The following NSUN2 variants were observed in gnomAD, a reference collection of about 807,000 sequenced individuals.
NSUN2 encodes RNA cytosine C(5)-methyltransferase NSUN2.
In NSUN2, 63 loss-of-function variants were observed where a neutral mutation model predicts 92.7. The ratio of observed to expected loss-of-function variants is 0.68; its 90% confidence interval spans 0.56 to 0.84. The LOEUF (loss-of-function observed/expected upper bound fraction) is 0.84, where lower values mean the gene tolerates loss of function less well. NSUN2 is among the 40% of genes least tolerant of loss of function. The probability of loss-of-function intolerance (pLI) is 0.00; values close to 1 mark genes in which losing one functional copy is unlikely to be tolerated. For synonymous variants in NSUN2, 356 were observed against 348.3 expected, an observed-to-expected ratio of 1.02 and a Z score of -0.25; for missense variants, 989 against 964.9, an observed-to-expected ratio of 1.02 and a Z score of -0.33.
rs923986895 is a variant in NSUN2 at position 6,599,413 on chromosome 5, C to T, written c.*513G>A. The T allele has an allele frequency of 2.0e-5, 3 of 152,872 alleles. No individual in the cohort carries two copies. The highest frequency in any genetic ancestry group is 6.5e-5 in the Admixed American group (1 of 15,310). 9.5% of individuals were successfully genotyped at this position (152,872 alleles called of 1,614,324 possible). On this transcript the variant is annotated 3_prime_UTR_variant, in exon 19 of 19. Transcript: ENST00000264670. The stretch of plus-strand genomic sequence containing the variant: ...TTATTTTACCCTTTATTCCAAAAGG[C>T]ACAAAGTCATCTGAGGCCTCAGATA...
Position 6,600,073 on chromosome 5 carries a change from A to G in NSUN2, c.2157T>C (p.Asn719=). The G allele has an allele frequency of 6.2e-7, 1 of 1,614,150 alleles. No individual in the cohort carries two copies. Among genetic ancestry groups the G allele is most frequent in the Non-Finnish European group, 8.5e-7 (1 of 1,180,028 alleles). The change falls in exon 19 of 19, where the codon AAT becomes AAC. Residue 719 remains asparagine (N), a synonymous_variant. Coordinates refer to ENST00000264670, the MANE Select transcript of NSUN2 (RefSeq NM_017755.6). ...GCTGTCCGGTGCTGGCTGCACTCTC[A>G]TTTGTGAGGATAACCCCTTCCTTCT... is the stretch of plus-strand genomic sequence containing the variant. The part of the protein sequence containing the change: ...EKKKEGVILT[N]ESAASTGQPD...
chr5:6,633,016 G>T lies in NSUN2; in HGVS notation c.-37C>A, dbSNP rs1236345112. 14 of 1,411,836 alleles carry T rather than the reference G, an allele frequency of 9.9e-6. No individual in the cohort carries two copies. The highest frequency in any genetic ancestry group is 3.0e-5 in the African/African-American group (2 of 66,126). 87.5% of individuals were successfully genotyped at this position (1,411,836 alleles called of 1,614,324 possible). A position where few individuals can be genotyped will look rare whatever the true frequency, so the allele number is the denominator to read the frequency against. The stretch of plus-strand genomic sequence containing the variant: ...CCGCGCACGCAGCACGCAGAAACCG[G>T]CCCGCCACGGCCAGAACTCTAGCCC... On this transcript the variant is annotated 5_prime_UTR_variant, in exon 1 of 19. Transcript: ENST00000264670.
intron 8 of NSUN2, among the ~76,000 whole-genome samples, chr5:6,617,741 T>A (rs1218639538): frequency 6.6e-6 from 1 of 152,266 alleles, no homozygotes; most frequent in Non-Finnish European, 1.5e-5. Flanking sequence ...GCATTTTTAA[T>A]AAACGTGTTA....
At chr5:6,604,385 A>T in intron 16 of NSUN2, 109 bp from the exon 17 acceptor site, 1 of 1,089,674 alleles carries the variant, frequency 9.2e-7, no homozygotes, top group South Asian at 1.5e-5. Context: ...TCGAGCCCTC[A>T]CTATGGCCCC....
chr5:6,626,656 T>C (rs1414680251), intron 3 of NSUN2, among the ~76,000 whole-genome samples: 1 of 152,230 alleles, frequency 6.6e-6, no homozygotes, highest in Non-Finnish European at 1.5e-5. Flanking sequence ...ACCCAGGATG[T>C]GCTTTGAAAC....
At chr5:6,622,196 G>A (rs781255728) in intron 5 of NSUN2, 96 bp from the exon 6 acceptor site, 19 of 922,062 alleles carry the variant, frequency 2.1e-5, no homozygotes, top group African/African-American at 5.0e-5. Flanking sequence ...TCTAGTCCAA[G>A]ATCTAAATAT....
rs1441375736 is a variant in NSUN2 at position 6,616,754 on chromosome 5, T to C, written c.994A>G (p.Ile332Val). The change falls in exon 9 of 19, where the codon ATA becomes GTA. Residue 332 changes from isoleucine to valine, a missense_variant. This residue lies in a region of NSUN2 where 626 missense variants were observed against 602.3 expected (regional missense o/e 1.04). Coordinates refer to ENST00000264670, the MANE Select transcript of NSUN2 (RefSeq NM_017755.6). Reference protein sequence around the residue: ...SLNPIEDEAVIASLLEKSEGA... With the variant: ...SLNPIEDEAVVASLLEKSEGA... ...TCACTTTTTTCCAGTAAAGATGCTA[T>C]GACTGCTTCATCCTCAATAGGGTTT... is the stretch of plus-strand genomic sequence containing the variant. 4.7e-6 allele frequency: 7 copies of C among 1,501,118 alleles called. No individual in the cohort carries two copies. The highest frequency in any genetic ancestry group is 2.1e-5 in the African/African-American group (1 of 47,438). 93.0% of individuals were successfully genotyped at this position (1,501,118 alleles called of 1,614,324 possible).
chr5:6,616,978 A>G (rs1737237809), intron 8 of NSUN2, 121 bp from the exon 9 acceptor site: 2 of 843,310 alleles, frequency 2.4e-6, no homozygotes, highest in South Asian at 5.9e-5. Flanking sequence ...ACTTAAAAAA[A>G]ACCTTCCAGG....
At chr5:6,605,818 CTGAGTAGCTG>C (rs1450463247) in intron 14 of NSUN2, among the ~76,000 whole-genome samples, 1 of 151,824 alleles carries the variant, frequency 6.6e-6, no homozygotes, top group African/African-American at 2.4e-5. Flanking sequence ...CTGCCTCAGC[CTGAGTAGCTG>C]TGATTATAGG....
intron 16 of NSUN2, 24 bp downstream of exon 16, chr5:6,604,581 G>C (rs768618464): frequency 2.5e-6 from 4 of 1,605,912 alleles, no homozygotes; most frequent in Non-Finnish European, 3.4e-6. Context: ...GGCTACTGCT[G>C]TTCAAATCCA....
intron 3 of NSUN2, among the ~76,000 whole-genome samples, chr5:6,627,171 AG>A: frequency 6.6e-6 from 1 of 152,248 alleles, no homozygotes. Context: ...TAAAGCCAAA[AG>A]AAAATCATAT....
In NSUN2 at chr5:6,622,904, G is replaced by A. The variant is rs896177235; in HGVS notation, c.537+310C>T. 2.0e-5 allele frequency among the ~76,000 whole-genome samples: 3 copies of A among 150,272 alleles called. No homozygotes were observed. In the East Asian group the frequency reaches 5.8e-4, roughly 29 times the overall value. The stretch of plus-strand genomic sequence containing the variant: ...CAGAGTAATGCTTGCCATACAATGA[G>A]CTCTCAATACATGTTCACTATCATT... On this transcript the variant is annotated intron_variant, in intron 5 of 18. Transcript: ENST00000264670.
At position 6,620,234 on chromosome 5, in the gene NSUN2, C is replaced by T; in HGVS notation, c.687G>A (p.Lys229=). Residue 229 remains lysine (K), a synonymous_variant, in exon 7 of 19, where the codon AAG becomes AAA. Transcript: ENST00000264670. ...KRCYLLVHQA[K]RLSSPCIMVV... ...CCATGATGCAGGGGCTGCTCAGCCT[C>T]TTGGCTTGATGGACGAGCAGGTAGC... 6.2e-7 allele frequency: 1 copy of T among 1,612,422 alleles called. No individual in the cohort carries two copies.
intron 3 of NSUN2, among the ~76,000 whole-genome samples, chr5:6,630,507 T>C (rs1189119406): frequency 6.6e-6 from 1 of 152,186 alleles, no homozygotes; most frequent in Admixed American, 6.5e-5. Context: ...GGTTTCACGA[T>C]GTTGGTCATA....
chr5:6,618,145 T>C (rs1737291904), intron 7 of NSUN2, 121 bp from the exon 8 acceptor site: 10 of 642,196 alleles, frequency 1.6e-5, no homozygotes, highest in Admixed American at 2.8e-5. Context: ...TAGGAAACAA[T>C]CTCCATTTTC....
intron 14 of NSUN2, among the ~76,000 whole-genome samples, chr5:6,606,520 C>T (rs921014949): frequency 6.6e-5 from 10 of 152,120 alleles, no homozygotes; most frequent in African/African-American, 2.2e-4. Flanking sequence ...CTCCTGACCT[C>T]GTGCTCCGCC....
chr5:6,610,830 C>T, intron 11 of NSUN2, 125 bp downstream of exon 11: 1 of 1,160,200 alleles, frequency 8.6e-7, no homozygotes, highest in Non-Finnish European at 1.2e-6. Context: ...TTGACCCTGG[C>T]ATAACCCAAG....
chr5:6,604,716 A>G (rs773389561), intron 15 of NSUN2, 31 bp from the exon 16 acceptor site: 3 of 1,565,340 alleles, frequency 1.9e-6, no homozygotes, highest in Non-Finnish European at 2.6e-6. Flanking sequence ...TGAAACACAG[A>G]GAGATGAAGA....
At chr5:6,602,042 A>C (rs902417454) in intron 18 of NSUN2, among the ~76,000 whole-genome samples, 2 of 152,196 alleles carry the variant, frequency 1.3e-5, no homozygotes, top group Non-Finnish European at 2.9e-5. Flanking sequence ...AAGCGTGAGC[A>C]AATCCCATGC....
Sources: gnomAD v4.1 joint callset for allele counts (sites outside exome capture counted in the v4.1 genomes callset) on GRCh38, gnomAD v4.1.1 for gene constraint, gnomAD v4.1.1 regional missense constraint, MANE v1.5 for transcripts, NCBI Gene and HGNC (gene_info 2026-07-23, HGNC 2026-07-21) for gene names.